Variants in KASH5 observed in about 807,000 individuals in gnomAD.
The protein encoded by KASH5 is protein KASH5.
Under a neutral mutation model 84.2 loss-of-function variants are expected in KASH5, and 72 were observed. The ratio of observed to expected loss-of-function variants is 0.85; its 90% CI spans 0.71 to 1.04. KASH5 has a LOEUF of 1.04. Among genes scored for constraint, KASH5 ranks in the 50% least tolerant of loss-of-function variants. The pLI, the probability that KASH5 is intolerant of heterozygous loss-of-function variation, is 0.00. For missense variants in KASH5, 650 were observed against 701.0 expected (o/e 0.93, Z 0.82); for synonymous variants, 260 against 279.1 (o/e 0.93, Z 0.68).
At chr19:49,407,020 A>G (rs372832071) in intron 10 of KASH5, 57 bp downstream of exon 10, 1 of 1,520,740 alleles carries the variant, frequency 6.6e-7, no homozygotes, top group Non-Finnish European at 8.9e-7. Context: ...CATTTTTCCC[A>G]TTTCCGGTTT....
In KASH5 at chr19:49,417,507, G is replaced by A; in HGVS notation, c.1686G>A (p.Val562=). 1 of 1,534,706 alleles carries A rather than the reference G, an allele frequency of 6.5e-7. No homozygotes were observed. The highest frequency in any genetic ancestry group is 8.8e-7 in the Non-Finnish European group (1 of 1,137,782). ...TCTGCTACCTCCAGCCCCCTCCAGT[G>A]TGAGAGGCTCTACTTGCCCCTCAGA... The part of the protein sequence containing the change: ...LQLCYLQPPP[V] The change falls in exon 20 of 20, where the codon GTG becomes GTA. Residue 562 remains valine (V), a synonymous_variant. Coordinates refer to ENST00000447857, the MANE Select transcript of KASH5 (RefSeq NM_144688.5). This position sits in a 1 kb window ranked among gnomAD's most constrained non-coding sequence, Gnocchi z 5.2.
At chr19:49,389,795 G>C (rs984055409) in intron 1 of KASH5, 5 of 152,704 alleles carry the variant, frequency 3.3e-5, no homozygotes, top group African/African-American at 1.2e-4. Context: ...GGCCTGGGTG[G>C]AATGGAGGCA....
In KASH5 at chr19:49,416,256, G is replaced by T. The variant is rs190267410; in HGVS notation, c.1375-759G>T. Among the ~76,000 whole-genome samples the T allele has an allele frequency of 1.3e-5, 2 of 152,126 alleles. No homozygotes were observed. Among genetic ancestry groups the T allele is most frequent in the African/African-American group, 4.8e-5 (2 of 41,422 alleles). ...TCGCCAGGCTGGAGTGCAGTGGTGC[G>T]ATCTCGGCTCACTGCAAGCTCCACC... On this transcript the variant is annotated intron_variant, in intron 17 of 19. Transcript: ENST00000447857. The surrounding 1 kb of genome is among the most constrained non-coding windows in gnomAD (Gnocchi z 5.4).
intron 9 of KASH5, among the ~76,000 whole-genome samples, chr19:49,400,466 GTGATTCTTCTGCCTCAGCCTCCCAA>G: frequency 6.7e-6 from 1 of 149,740 alleles, no homozygotes; most frequent in African/African-American, 2.5e-5. Context: ...CCCGGTTCAA[GTGATTCTTCTGCCTCAGCCTCCCAA>G]GTAGCTGGGA....
intron 1 of KASH5, among the ~76,000 whole-genome samples, chr19:49,388,897 C>G (rs1973900824): frequency 6.6e-6 from 1 of 152,024 alleles, no homozygotes; most frequent in Non-Finnish European, 1.5e-5. Context: ...GTCAGAGATC[C>G]CCAGAAATCC....
intron 1 of KASH5, 175 bp downstream of exon 1, chr19:49,388,502 C>T (rs1973881578): frequency 1.3e-5 from 2 of 152,086 alleles, no homozygotes; most frequent in African/African-American, 4.8e-5. Context: ...AGAGACCATC[C>T]CGGGGAAGTG....
chr19:49,407,532 C>G (rs1464485676), intron 11 of KASH5, 80 bp from the exon 12 acceptor site: 2 of 1,458,592 alleles, frequency 1.4e-6, no homozygotes, highest in African/African-American at 2.8e-5. Context: ...CTTAACCCCC[C>G]AGCCAGTCCC....
In KASH5 at chr19:49,394,569, C is replaced by T; in HGVS notation, c.137C>T (p.Pro46Leu). 6.2e-7 allele frequency: 1 copy of T among 1,613,306 alleles called. No individual in the cohort carries two copies. Among genetic ancestry groups the T allele is most frequent in the South Asian group, 1.1e-5 (1 of 91,068 alleles). Residue 46 changes from proline to leucine, a missense_variant, in exon 3 of 20, where the codon CCT becomes CTT. Coordinates refer to ENST00000447857, the MANE Select transcript of KASH5 (RefSeq NM_144688.5). ...AACTCCACGTTCGAAGCTTGTGACC[C>T]TCAGAGGACAGGTGGTGGGGGCATG... ...ILNSTFEACDPQRTGTVAVAQ... is the reference protein window; with the variant it reads ...ILNSTFEACDLQRTGTVAVAQ...
chr19:49,403,755 C>T (rs923680804), intron 9 of KASH5, among the ~76,000 whole-genome samples: 1 of 152,218 alleles, frequency 6.6e-6, no homozygotes, highest in African/African-American at 2.4e-5. Context: ...TCATCTCTAC[C>T]TCCTCCCCAC....
chr19:49,406,943 A>G lies in KASH5; in HGVS notation c.856A>G (p.Met286Val). The part of the protein sequence containing the change: ...GVKKRSQELA[M>V]EKDTLKRQLF... The stretch of plus-strand genomic sequence containing the variant: ...GAAAAAGAGAAGTCAGGAGCTGGCC[A>G]TGGAGAAGGACACTTTGAAGGTGCC... Residue 286 changes from methionine to valine, a missense_variant, in exon 10 of 20, where the codon ATG becomes GTG. Physicochemically the swap from Met to Val is conservative, Grantham distance 21. Coordinates refer to ENST00000447857, the MANE Select transcript of KASH5 (RefSeq NM_144688.5). 6.3e-7 allele frequency: 1 copy of G among 1,598,444 alleles called. No individual in the cohort carries two copies. Among genetic ancestry groups the G allele is most frequent in the South Asian group, 1.1e-5 (1 of 88,086 alleles).
chr19:49,391,151 T>C (rs907224218), intron 2 of KASH5, among the ~76,000 whole-genome samples: 4 of 152,116 alleles, frequency 2.6e-5, no homozygotes, highest in African/African-American at 9.7e-5. Flanking sequence ...GGCTGGACTG[T>C]GTGAGAGCGC....
rs1568611428 is a variant in KASH5 at position 49,396,242 on chromosome 19, A to ATTTTTTTTTTTTTTTTTTTTTTTTTTT, written c.400+409_400+410insTTTTTTTTTTTTTTTTTTTTTTTTTTT. The stretch of plus-strand genomic sequence containing the variant: ...CACTCCTTGCTCCCCACCCTGCTGG[A>ATTTTTTTTTTTTTTTTTTTTTTTTTTT]CTTTTTTTTTTTTTTTTTTTTTTTT... On this transcript the variant is annotated intron_variant, in intron 5 of 19. Coordinates refer to ENST00000447857, the MANE Select transcript of KASH5 (RefSeq NM_144688.5). Among the ~76,000 whole-genome samples, 2 of 122,904 alleles carry ATTTTTTTTTTTTTTTTTTTTTTTTTTT rather than the reference A, an allele frequency of 1.6e-5. 1 individual carries two copies. The highest frequency in any genetic ancestry group is 6.3e-5 in the African/African-American group (2 of 31,666). The allele number at this position is 122,904 out of a possible 152,430, so 80.6% of individuals were successfully genotyped here. A position where few individuals can be genotyped will look rare whatever the true frequency, so the allele number is the denominator to read the frequency against.
chr19:49,398,017 A>T lies in KASH5; in HGVS notation c.503A>T (p.Asp168Val), dbSNP rs758712121. ...ATADLLSSLE[D>V]LELSNRRLVG... ...GCTGACCTGCTGAGCAGCCTGGAGG[A>T]CCTGGAGCTCAGCAACCGACGTCTG... Residue 168 changes from aspartate (D) to valine (V), a missense_variant, in exon 7 of 20, where the codon GAC (aspartate) becomes GTC (valine). Physicochemically the swap from Asp to Val is radical, Grantham distance 152. Coordinates refer to ENST00000447857, the MANE Select transcript of KASH5 (RefSeq NM_144688.5). 10 of 1,613,852 alleles carry T rather than the reference A, an allele frequency of 6.2e-6. No individual in the cohort carries two copies. The highest frequency in any genetic ancestry group is 8.5e-6 in the Non-Finnish European group (10 of 1,179,862).
At position 49,416,547 on chromosome 19, in the gene KASH5, G is replaced by C. The variant is rs547341601; in HGVS notation, c.1375-468G>C. 6.6e-6 allele frequency among the ~76,000 whole-genome samples: 1 copy of C among 152,308 alleles called. No homozygotes were observed. The highest frequency in any genetic ancestry group is 2.4e-5 in the African/African-American group (1 of 41,570). On this transcript the variant is annotated intron_variant, in intron 17 of 19. Transcript: ENST00000447857. The surrounding 1 kb of genome is among the most constrained non-coding windows in gnomAD (Gnocchi z 5.4). ...CTGCCGATTCTGGCATAGGCAGGAAGACAGGATTCTTCATGAGGCCCAGCA... is the reference window on the plus strand; with the variant it reads ...CTGCCGATTCTGGCATAGGCAGGAACACAGGATTCTTCATGAGGCCCAGCA...
Position 49,390,824 on chromosome 19 carries a change from C to T in KASH5, c.-60C>T, listed in dbSNP as rs1973978083. 1 of 1,547,062 alleles carries T rather than the reference C, an allele frequency of 6.5e-7. No individual in the cohort carries two copies. Among genetic ancestry groups the T allele is most frequent in the African/African-American group, 1.4e-5 (1 of 71,510 alleles). On this transcript the variant is annotated 5_prime_UTR_variant, in exon 2 of 20. Transcript: ENST00000447857. Reference sequence around the variant, plus strand: ...GCCAGCTGGTCCTTTTCCCATCCCTCCCCATGAAGGAGGGAGGCTGGTAGC... The same window carrying T: ...GCCAGCTGGTCCTTTTCCCATCCCTTCCCATGAAGGAGGGAGGCTGGTAGC...
intron 12 of KASH5, 81 bp from the exon 13 acceptor site, chr19:49,408,886 C>T: frequency 3.5e-6 from 5 of 1,448,576 alleles, no homozygotes; most frequent in Middle Eastern, 1.7e-4. Flanking sequence ...GGGGAAAGAA[C>T]CCTGGAAGAG....
At chr19:49,391,072 G>T in intron 2 of KASH5, 146 bp downstream of exon 2, 1 of 855,626 alleles carries the variant, frequency 1.2e-6, no homozygotes, top group South Asian at 1.6e-5. Context: ...GGGAGGGAAG[G>T]GACTCTGGTA....
At chr19:49,402,409 A>G (rs1386099845) in intron 9 of KASH5, among the ~76,000 whole-genome samples, 6 of 150,480 alleles carry the variant, frequency 4.0e-5, no homozygotes, top group Admixed American at 4.0e-4. Flanking sequence ...CAAAAAAAGT[A>G]AATAAAAGAA....
intron 15 of KASH5, among the ~76,000 whole-genome samples, chr19:49,411,850 A>C: frequency 6.6e-6 from 1 of 151,382 alleles, no homozygotes; most frequent in East Asian, 2.0e-4. Flanking sequence ...GAAGATATTG[A>C]AGGAAAACTG....
Sources: gnomAD v4.1 joint callset for allele counts (sites outside exome capture counted in the v4.1 genomes callset) on GRCh38, gnomAD v4.1.1 for gene constraint, Gnocchi (gnomAD v3.1) non-coding constraint, MANE v1.5 for transcripts, NCBI Gene and HGNC (gene_info 2026-07-23, HGNC 2026-07-21) for gene names.